The following PRELID2 variants were observed in gnomAD, a reference collection of about 807,000 sequenced individuals.
PRELID2 encodes the protein PRELI domain-containing protein 2.
Under a neutral mutation model 28.4 loss-of-function variants are expected in PRELID2, and 25 were observed. That is an observed-to-expected ratio of 0.88 (90% confidence interval 0.64 to 1.23). PRELID2 has a LOEUF of 1.23. Ranked by LOEUF, PRELID2 falls within the 50% of genes most tolerant of loss-of-function variation. The probability of loss-of-function intolerance (pLI) is 0.00; values close to 1 mark genes in which losing one functional copy is unlikely to be tolerated. For missense variants in PRELID2, 201 were observed against 214.4 expected (o/e 0.94, Z 0.39); for synonymous variants, 76 against 71.6 (o/e 1.06, Z -0.31).
chr5:145,442,661 T>A, the PRELID2 span, among the ~76,000 whole-genome samples: 1 of 152,018 alleles, frequency 6.6e-6, no homozygotes, highest in Non-Finnish European at 1.5e-5. Flanking sequence ...GATGGTTGCA[T>A]GGGGATGAAG....
At chr5:145,474,221 T>C (rs1752079963) in intron 1 of PRELID2, among the ~76,000 whole-genome samples, 1 of 152,222 alleles carries the variant, frequency 6.6e-6, no homozygotes, top group Non-Finnish European at 1.5e-5. Flanking sequence ...AAGAACAATG[T>C]AGAATGTAGA....
the PRELID2 span, among the ~76,000 whole-genome samples, chr5:145,350,288 A>G: frequency 6.6e-6 from 1 of 152,228 alleles, no homozygotes; most frequent in South Asian, 2.1e-4. Flanking sequence ...ATAGACTATC[A>G]GTCTAGATGA....
intron 4 of PRELID2, among the ~76,000 whole-genome samples, chr5:145,807,394 C>T (rs1753586775): frequency 6.6e-6 from 1 of 152,190 alleles, no homozygotes; most frequent in Non-Finnish European, 1.5e-5. Context: ...AGTCACCACA[C>T]TTTGAAAACA....
intron 4 of PRELID2, among the ~76,000 whole-genome samples, chr5:145,817,220 A>ATATATAT (rs1265574987): frequency 4.5e-5 from 3 of 66,514 alleles, no homozygotes; most frequent in African/African-American, 1.2e-4. Context: ...AATAAAAAAA[A>ATATATAT]ATATATATAT....
At chr5:145,534,505 G>GA (rs1195555500) in intron 1 of PRELID2, among the ~76,000 whole-genome samples, 1 of 151,950 alleles carries the variant, frequency 6.6e-6, no homozygotes. Flanking sequence ...CATACTTTGA[G>GA]AAAAAACTGG....
chr5:145,585,991 TG>T (rs1230650057), intron 1 of PRELID2, among the ~76,000 whole-genome samples: 1 of 152,012 alleles, frequency 6.6e-6, no homozygotes, highest in East Asian at 1.9e-4. Context: ...GAGAAATCCC[TG>T]GATCATCCAG....
chr5:145,793,327 T>C (rs992892610), intron 5 of PRELID2, among the ~76,000 whole-genome samples: 17 of 152,034 alleles, frequency 1.1e-4, no homozygotes, highest in African/African-American at 4.1e-4. Context: ...TGGAAAAAAA[T>C]AGATATCAGA....
At chr5:145,293,639 G>A in the PRELID2 span, among the ~76,000 whole-genome samples, 1 of 152,118 alleles carries the variant, frequency 6.6e-6, no homozygotes, top group Non-Finnish European at 1.5e-5. Context: ...AGATATTAAG[G>A]TATTTTCTCA....
At chr5:145,528,750 GAGTA>G (rs1752631835) in intron 1 of PRELID2, among the ~76,000 whole-genome samples, 3 of 150,162 alleles carry the variant, frequency 2.0e-5, no homozygotes, top group African/African-American at 7.4e-5. Flanking sequence ...GAGAGAGAGA[GAGTA>G]AGTCACTCTC....
intron 1 of PRELID2, among the ~76,000 whole-genome samples, chr5:145,690,457 A>T (rs1468356419): frequency 6.6e-6 from 1 of 152,194 alleles, no homozygotes; most frequent in Non-Finnish European, 1.5e-5. Context: ...GAGACTAAGA[A>T]AGGGACTGTT....
chr5:145,579,044 T>C (rs185281888), intron 1 of PRELID2, among the ~76,000 whole-genome samples: 58 of 152,116 alleles, frequency 3.8e-4, no homozygotes, highest in Admixed American at 3.1e-3. Flanking sequence ...GGGCCATGAG[T>C]GATGCATTTA....
At chr5:145,284,998 T>C in the PRELID2 span, among the ~76,000 whole-genome samples, 1 of 152,194 alleles carries the variant, frequency 6.6e-6, no homozygotes, top group African/African-American at 2.4e-5. Context: ...TCACTTGTAC[T>C]GGTCCCATTT....
intron 1 of PRELID2, among the ~76,000 whole-genome samples, chr5:145,575,354 T>A (rs1407122562): frequency 1.3e-5 from 2 of 152,202 alleles, no homozygotes; most frequent in Non-Finnish European, 2.9e-5. Context: ...CTAATTTATC[T>A]AAAATTGATT....
At chr5:145,784,322 T>C (rs1751846035) in intron 5 of PRELID2, among the ~76,000 whole-genome samples, 1 of 152,062 alleles carries the variant, frequency 6.6e-6, no homozygotes, top group Non-Finnish European at 1.5e-5. Context: ...ATCATTAACT[T>C]TCAGTAGTCT....
intron 1 of PRELID2, among the ~76,000 whole-genome samples, chr5:145,513,514 G>A (rs1752484641): frequency 1.3e-5 from 2 of 152,118 alleles, no homozygotes; most frequent in African/African-American, 2.4e-5. Flanking sequence ...ACGTTTGATT[G>A]GTGTACTGAA....
chr5:145,588,389 T>C (rs184922915), intron 1 of PRELID2, among the ~76,000 whole-genome samples: 1 of 152,104 alleles, frequency 6.6e-6, no homozygotes, highest in African/African-American at 2.4e-5. Flanking sequence ...CTACCTTTCC[T>C]TTCCCATAAA....
the PRELID2 span, among the ~76,000 whole-genome samples, chr5:145,303,435 A>G: frequency 3.6e-3 from 541 of 152,316 alleles, 7 homozygotes; most frequent in South Asian, 5.4e-3. Context: ...TTATATTACC[A>G]GCTAAATAGA....
chr5:145,691,912 C>A (rs1393809183), intron 1 of PRELID2, among the ~76,000 whole-genome samples: 1 of 152,152 alleles, frequency 6.6e-6, no homozygotes, highest in Non-Finnish European at 1.5e-5. Context: ...ATACTCCATG[C>A]TGTTTCATGC....
At chr5:145,819,810 T>C (rs1445251324) in intron 3 of PRELID2, 135 bp downstream of exon 3, 2 of 685,368 alleles carry the variant, frequency 2.9e-6, no homozygotes, top group East Asian at 2.7e-5. Flanking sequence ...AAGAGCTTTC[T>C]TCCTCAGAAG....
Sources: allele counts gnomAD v4.1 joint callset (sites outside exome capture counted in the v4.1 genomes callset), GRCh38; gene constraint gnomAD v4.1.1; transcripts MANE v1.5; gene names NCBI Gene and HGNC (gene_info 2026-07-23, HGNC 2026-07-21).